TP53I11: variants seen among roughly 807,000 people sequenced by gnomAD.
The protein encoded by TP53I11 is tumor protein p53 inducible protein 11.
TP53I11 carries 9 observed loss-of-function variants against 23.3 expected under a neutral mutation model. The observed-to-expected ratio is 0.39, with a 90% CI of 0.23 to 0.67. The LOEUF is 0.67. Among genes scored for constraint, TP53I11 ranks in the 30% least tolerant of loss-of-function variants. The probability of loss-of-function intolerance (pLI) is 0.48; values close to 1 mark genes in which losing one functional copy is unlikely to be tolerated. For synonymous variants in TP53I11, 100 were observed against 106.1 expected, an observed-to-expected ratio of 0.94 and a Z score of 0.35; for missense variants, 170 against 255.2, an observed-to-expected ratio of 0.67 and a Z score of 2.27.
At chr11:44,947,433 C>T (rs1044450611) in intron 1 of TP53I11, among the ~76,000 whole-genome samples, 13 of 152,150 alleles carry the variant, frequency 8.5e-5, no homozygotes, top group Non-Finnish European at 1.5e-4. Flanking sequence ...TCCCCCACCC[C>T]GTGGCTGTTC....
chr11:44,936,780 G>T lies in TP53I11; in HGVS notation c.334+23C>A, dbSNP rs987537477. On this transcript the variant is annotated intron_variant, in intron 5 of 6. Transcript: ENST00000525680. The surrounding 1 kb of genome is among the most constrained non-coding windows in gnomAD (Gnocchi z 4.4). ...TCCCAGCTGCCCGTCGCCTCCCCCAGGGCCCGCCCCAGCAGTACTCACTGA... is the reference window on the plus strand; with the variant it reads ...TCCCAGCTGCCCGTCGCCTCCCCCATGGCCCGCCCCAGCAGTACTCACTGA... 2 of 1,526,612 alleles carry T rather than the reference G, an allele frequency of 1.3e-6. No homozygotes were observed. Among genetic ancestry groups the T allele is most frequent in the Non-Finnish European group, 1.8e-6 (2 of 1,140,628 alleles). The allele number at this position is 1,526,612 out of a possible 1,614,324, so 94.6% of individuals were successfully genotyped here. A position where few individuals can be genotyped will look rare whatever the true frequency, so the allele number is the denominator to read the frequency against.
rs1861167585 is a variant in TP53I11, at chr11:44,936,763, G to A, written c.334+40C>T. On this transcript the variant is annotated intron_variant, in intron 5 of 6. Transcript: ENST00000525680. The surrounding 1 kb of genome is among the most constrained non-coding windows in gnomAD (Gnocchi z 4.4). ...CTCAGCCCCGCTGGGTCTCCCAGCT[G>A]CCCGTCGCCTCCCCCAGGGCCCGCC... 5 of 1,481,354 alleles carry A rather than the reference G, an allele frequency of 3.4e-6. No homozygotes were observed. Among genetic ancestry groups the A allele is most frequent in the Non-Finnish European group, 3.6e-6 (4 of 1,115,890 alleles). 91.8% of individuals were successfully genotyped at this position (1,481,354 alleles called of 1,614,324 possible).
intron 1 of TP53I11, among the ~76,000 whole-genome samples, chr11:44,940,178 G>A (rs972030714): frequency 2.0e-5 from 3 of 152,252 alleles, no homozygotes; most frequent in Non-Finnish European, 4.4e-5. Context: ...AGCCACTGGT[G>A]AGAACCGGGT....
chr11:44,936,115 C>A lies in TP53I11; in HGVS notation c.335-453G>T. On this transcript the variant is annotated intron_variant, in intron 5 of 6. Transcript: ENST00000525680. This position sits in a 1 kb window ranked among gnomAD's most constrained non-coding sequence, Gnocchi z 4.4. ...CGGTAAGGACTCGCTTTAAGGAAGT[C>A]CCCTGGGGGAGGGGGATGAACCATA... 1 of 689,614 alleles carries A rather than the reference C, an allele frequency of 1.5e-6. No individual in the cohort carries two copies. Among genetic ancestry groups the A allele is most frequent in the Non-Finnish European group, 1.8e-6 (1 of 552,232 alleles). The allele number at this position is 689,614 out of a possible 1,614,324, so 42.7% of individuals were successfully genotyped here.
intron 1 of TP53I11, among the ~76,000 whole-genome samples, chr11:44,943,673 G>A (rs1217608253): frequency 1.3e-5 from 2 of 152,266 alleles, no homozygotes; most frequent in East Asian, 3.9e-4. Flanking sequence ...CAGGGCACTG[G>A]GTCCTCATCC....
rs113768560 is a variant in TP53I11 at position 44,934,619 on chromosome 11, A to C, written c.*265T>G. 25 of 459,668 alleles carry C rather than the reference A, an allele frequency of 5.4e-5. 1 individual carries two copies. Among genetic ancestry groups the C allele is most frequent in the African/African-American group, 4.3e-4 (22 of 51,234 alleles). 28.5% of individuals were successfully genotyped at this position (459,668 alleles called of 1,614,324 possible). On this transcript the variant is annotated 3_prime_UTR_variant, in exon 7 of 7. Transcript: ENST00000525680. ...GGGGGTCTGGAGGCCAAGAGACCCA[A>C]GGAAAGGAGGTATCACTGTGAGGGT... is the stretch of plus-strand genomic sequence containing the variant.
rs1288624327 is a variant in TP53I11, at chr11:44,933,024, G to C, written c.*1860C>G. 3 of 45,412 alleles carry C rather than the reference G, an allele frequency of 6.6e-5. No individual in the cohort carries two copies. The highest frequency in any genetic ancestry group is 1.4e-4 in the Non-Finnish European group (3 of 20,894). 2.8% of individuals were successfully genotyped at this position (45,412 alleles called of 1,614,324 possible). A position where few individuals can be genotyped will look rare whatever the true frequency, so the allele number is the denominator to read the frequency against. On this transcript the variant is annotated 3_prime_UTR_variant, in exon 7 of 7. Coordinates refer to ENST00000525680, the MANE Select transcript of TP53I11 (RefSeq NM_006034.5). ...GCACTGCCCATTGGCGGCACCACCT[G>C]TGGGCAGCAGCGGGAGGCAGTGGTG...
chr11:44,936,639 G>C lies in TP53I11; in HGVS notation c.334+164C>G, dbSNP rs1384829744. 1.5e-6 allele frequency: 2 copies of C among 1,343,954 alleles called. No homozygotes were observed. Among genetic ancestry groups the C allele is most frequent in the Non-Finnish European group, 1.9e-6 (2 of 1,047,440 alleles). 83.3% of individuals were successfully genotyped at this position (1,343,954 alleles called of 1,614,324 possible). ...TTCCACCAATGGCCACAAGATGGCA[G>C]CACATCCCCAGCAGAGAGCTTCATC... On this transcript the variant is annotated intron_variant, in intron 5 of 6. Transcript: ENST00000525680. The surrounding 1 kb of genome is among the most constrained non-coding windows in gnomAD (Gnocchi z 4.4).
intron 1 of TP53I11, among the ~76,000 whole-genome samples, chr11:44,938,947 T>C (rs1195278558): frequency 6.6e-6 from 1 of 151,500 alleles, no homozygotes; most frequent in East Asian, 1.9e-4. Context: ...CTGCCAGGGG[T>C]GTTGACGGGG....
At position 44,938,353 on chromosome 11, in the gene TP53I11, C is replaced by A. The variant is rs370427527; in HGVS notation, c.-18G>T. Reference sequence around the variant, plus strand: ...GCCGCCATCTTCTCCTCCAGCCCGGCCTCTGCAGAAGGGCTGAGGGGAGAC... The same window carrying A: ...GCCGCCATCTTCTCCTCCAGCCCGGACTCTGCAGAAGGGCTGAGGGGAGAC... On this transcript the variant is annotated 5_prime_UTR_variant, in exon 2 of 7. Transcript: ENST00000525680. 1 of 1,582,292 alleles carries A rather than the reference C, an allele frequency of 6.3e-7. No homozygotes were observed. Among genetic ancestry groups the A allele is most frequent in the African/African-American group, 1.3e-5 (1 of 74,362 alleles).
Position 44,950,815 on chromosome 11 carries a change from CA to C in TP53I11, c.-171del, listed in dbSNP as rs1862893620. 5.3e-5 allele frequency: 1 copy of C among 19,014 alleles called. No homozygotes were observed. The highest frequency in any genetic ancestry group is 3.3e-4 in the Non-Finnish European group (1 of 3,004). 1.2% of individuals were successfully genotyped at this position (19,014 alleles called of 1,614,324 possible). The stretch of plus-strand genomic sequence containing the variant: ...CAGGGCAGGGCAGGGCAGGACAGGG[CA>C]GGGCAGGGCAGGGCCGGGCCGGCTG... On this transcript the variant is annotated 5_prime_UTR_variant, in exon 1 of 7. Transcript: ENST00000525680.
In TP53I11 at chr11:44,935,049, T is replaced by G. The variant is rs749032710; in HGVS notation, c.437-32A>C. The G allele has an allele frequency of 8.1e-6, 13 of 1,611,400 alleles. No homozygotes were observed. In the Admixed American group the frequency reaches 1.8e-4, roughly 23 times the overall value. On this transcript the variant is annotated intron_variant, in intron 6 of 6. Coordinates refer to ENST00000525680, the MANE Select transcript of TP53I11 (RefSeq NM_006034.5). ...GAGAGAGTCCAGCAAGGCCACAGGG[T>G]CAGAGGAGGGGATGTGTCCCAGCGC...
intron 1 of TP53I11, chr11:44,943,247 C>T (rs745745447): frequency 6.6e-5 from 10 of 152,328 alleles, no homozygotes; most frequent in Non-Finnish European, 1.3e-4. Context: ...CCTCCTTCCA[C>T]TTCCCTTTCT....
intron 5 of TP53I11, chr11:44,935,920 G>C (rs1022022218): frequency 6.1e-5 from 34 of 560,198 alleles, no homozygotes; most frequent in Non-Finnish European, 1.0e-4. Flanking sequence ...TCACTTCCCC[G>C]CATTGAGACT....
At chr11:44,942,451 CACACACACACAT>C (rs1477132160) in intron 1 of TP53I11, among the ~76,000 whole-genome samples, 6 of 146,406 alleles carry the variant, frequency 4.1e-5, no homozygotes, top group African/African-American at 1.6e-4. Context: ...CACACACACA[CACACACACACAT>C]ACACACACAG....
At chr11:44,944,659 T>C (rs1005310429) in intron 1 of TP53I11, among the ~76,000 whole-genome samples, 4 of 152,168 alleles carry the variant, frequency 2.6e-5, no homozygotes, top group Non-Finnish European at 4.4e-5. Context: ...TCTTTATTGC[T>C]CTGTGACCTC....
At chr11:44,947,898 C>T (rs983159878) in intron 1 of TP53I11, among the ~76,000 whole-genome samples, 1 of 152,182 alleles carries the variant, frequency 6.6e-6, no homozygotes, top group Non-Finnish European at 1.5e-5. Flanking sequence ...AATAATAATG[C>T]TGCTCATTAT....
chr11:44,945,337 C>T (rs1051127445), intron 1 of TP53I11, among the ~76,000 whole-genome samples: 1 of 152,200 alleles, frequency 6.6e-6, no homozygotes. Context: ...CATATTATCA[C>T]CCCCATCTTA....
intron 6 of TP53I11, among the ~76,000 whole-genome samples, 169 bp downstream of exon 6, chr11:44,935,392 G>A (rs778686512): frequency 8.5e-5 from 13 of 152,194 alleles, no homozygotes; most frequent in Non-Finnish European, 1.9e-4. Context: ...GTGCACAGGT[G>A]TGCAGGCACA....
Sources: allele counts gnomAD v4.1 joint callset (sites outside exome capture counted in the v4.1 genomes callset), GRCh38; gene constraint gnomAD v4.1.1; non-coding constraint Gnocchi (gnomAD v3.1); transcripts MANE v1.5; gene names NCBI Gene and HGNC (gene_info 2026-07-23, HGNC 2026-07-21).